RAB12: variants seen among roughly 807,000 people sequenced by gnomAD.
RAB12 encodes ras-related protein Rab-12.
Under a neutral mutation model 28.4 loss-of-function variants are expected in RAB12, and 11 were observed. The observed-to-expected ratio is 0.39, with a 90% CI of 0.24 to 0.64. The LOEUF is 0.64. Ranked by LOEUF, RAB12 falls within the 30% of genes least tolerant of loss-of-function variation. The pLI, the probability that RAB12 is intolerant of heterozygous loss-of-function variation, is 0.50. For missense variants in RAB12, 276 were observed against 351.1 expected (o/e 0.79, Z 1.71); for synonymous variants, 138 against 145.3 (o/e 0.95, Z 0.36).
intron 1 of RAB12, among the ~76,000 whole-genome samples, chr18:8,613,466 C>T (rs2096004972): frequency 6.6e-6 from 1 of 152,106 alleles, no homozygotes; most frequent in African/African-American, 2.4e-5. Context: ...CTGTAGAAAC[C>T]ATTTCTATCT....
At chr18:8,616,352 A>C (rs554145521) in intron 1 of RAB12, among the ~76,000 whole-genome samples, 1 of 150,958 alleles carries the variant, frequency 6.6e-6, no homozygotes, top group Non-Finnish European at 1.5e-5. Context: ...CAGACCAAAA[A>C]TTGTGCCCTT....
intron 4 of RAB12, 61 bp from the exon 5 acceptor site, chr18:8,636,192 A>G (rs2148712289): frequency 1.8e-6 from 2 of 1,097,656 alleles, no homozygotes; most frequent in Non-Finnish European, 2.8e-6. Flanking sequence ...CAGAGACCTC[A>G]TGCTCGCACG....
At chr18:8,622,620 A>G (rs954009153) in intron 1 of RAB12, among the ~76,000 whole-genome samples, 20 of 152,244 alleles carry the variant, frequency 1.3e-4, no homozygotes, top group African/African-American at 4.8e-4. Flanking sequence ...GGGCGAAATT[A>G]AAATTGCTAA....
chr18:8,636,076 G>T lies in RAB12; in HGVS notation c.805-177G>T, dbSNP rs140031825. On this transcript the variant is annotated intron_variant, in intron 4 of 5. Transcript: ENST00000649141. ...CAGGATTTTTATTGTCTTTTGTTTT[G>T]CTAGTTGCTTATAATGTAAGAATTT... 3.3e-4 allele frequency: 189 copies of T among 576,936 alleles called. 1 individual carries two copies. The highest frequency in any genetic ancestry group is 2.1e-3 in the African/African-American group (111 of 52,850). The allele number at this position is 576,936 out of a possible 1,614,324, so 35.7% of individuals were successfully genotyped here. A position where few individuals can be genotyped will look rare whatever the true frequency, so the allele number is the denominator to read the frequency against.
chr18:8,633,872 C>T (rs1254403683), intron 3 of RAB12, among the ~76,000 whole-genome samples: 4 of 152,050 alleles, frequency 2.6e-5, no homozygotes, highest in Admixed American at 2.6e-4. Context: ...TAATGTGAAC[C>T]GTGGGTTCTC....
Position 8,636,359 on chromosome 18 carries a change from T to A in RAB12, c.909+2T>A, listed in dbSNP as rs1567897951. 3.9e-6 allele frequency: 6 copies of A among 1,536,258 alleles called. No homozygotes were observed. The highest frequency in any genetic ancestry group is 3.6e-5 in the Admixed American group (2 of 55,784). ...CTTGTCGATGACATTCTGAAAAAGGTAAAAAAAAGAATCTACATTATAAAA... is the reference window on the plus strand; with the variant it reads ...CTTGTCGATGACATTCTGAAAAAGGAAAAAAAAAGAATCTACATTATAAAA... On this transcript the variant is annotated splice_donor_variant, in intron 5 of 5. Transcript: ENST00000649141. LOFTEE classifies it high-confidence loss of function.
intron 3 of RAB12, among the ~76,000 whole-genome samples, chr18:8,633,811 T>C (rs1362791479): frequency 6.6e-6 from 1 of 152,140 alleles, no homozygotes; most frequent in African/African-American, 2.4e-5. Flanking sequence ...GGAGCTCGAG[T>C]TCTCCTTTGG....
At chr18:8,620,957 A>G (rs557665875) in intron 1 of RAB12, among the ~76,000 whole-genome samples, 120 of 152,336 alleles carry the variant, frequency 7.9e-4, no homozygotes, top group African/African-American at 2.9e-3. Flanking sequence ...GCAAAGACAG[A>G]TGCTTTGCCA....
chr18:8,625,262 A>G (rs76181173), intron 2 of RAB12, among the ~76,000 whole-genome samples: 2,210 of 152,310 alleles, frequency 0.015, 53 homozygotes, highest in African/African-American at 0.051. Context: ...TTTTGCCTCT[A>G]TTTTCAAATT....
chr18:8,627,951 T>C (rs780906664), intron 2 of RAB12, among the ~76,000 whole-genome samples: 2 of 152,164 alleles, frequency 1.3e-5, no homozygotes, highest in Non-Finnish European at 2.9e-5. Flanking sequence ...GGCTTTGAAT[T>C]CTCCAAGCGT....
Position 8,624,974 on chromosome 18 carries a change from G to A in RAB12, c.551G>A (p.Gly184Glu). 2 of 1,604,934 alleles carry A rather than the reference G, an allele frequency of 1.2e-6. No individual in the cohort carries two copies. Among genetic ancestry groups the A allele is most frequent in the Non-Finnish European group, 1.7e-6 (2 of 1,172,106 alleles). The change falls in exon 2 of 6, where the codon GGA becomes GAA. Residue 184 changes from glycine to glutamate, a missense_variant. Gly to Glu is a moderately conservative substitution (Grantham distance 98, BLOSUM62 -2). Around this residue, in one of 4 missense-constraint regions of RAB12, gnomAD observed 76 missense variants for 117.9 expected, o/e 0.64. Transcript: ENST00000649141. ...AAAATCAAAACTGTAGAGCTAAGAG[G>A]AAAGAAAATTAGATTACAGATCTGG... The part of the protein sequence containing the change: ...DFKIKTVELR[G>E]KKIRLQIWDT...
chr18:8,610,200 C>T (rs2096002940), intron 1 of RAB12: 2 of 392,506 alleles, frequency 5.1e-6, no homozygotes, highest in African/African-American at 2.1e-5. Flanking sequence ...CTGGCAGCCC[C>T]CGGGGCCTGT....
At chr18:8,618,791 T>A (rs2096008149) in intron 1 of RAB12, among the ~76,000 whole-genome samples, 1 of 152,156 alleles carries the variant, frequency 6.6e-6, no homozygotes, top group Non-Finnish European at 1.5e-5. Flanking sequence ...GGATTACAGG[T>A]GTGAGCCACC....
intron 1 of RAB12, among the ~76,000 whole-genome samples, chr18:8,617,285 A>G (rs1016119802): frequency 6.6e-6 from 1 of 152,194 alleles, no homozygotes; most frequent in African/African-American, 2.4e-5. Context: ...TTAATGATAC[A>G]CACTGATATA....
chr18:8,614,401 C>T (rs1363100828), intron 1 of RAB12, among the ~76,000 whole-genome samples: 1 of 151,310 alleles, frequency 6.6e-6, no homozygotes, highest in Non-Finnish European at 1.5e-5. Flanking sequence ...CAAAGAAAGG[C>T]AATCTGGACC....
chr18:8,618,184 G>C (rs1374823381), intron 1 of RAB12, among the ~76,000 whole-genome samples: 2 of 152,102 alleles, frequency 1.3e-5, no homozygotes, highest in Non-Finnish European at 2.9e-5. Flanking sequence ...GTGCAAGGCT[G>C]TCTCCTTGTG....
At chr18:8,632,259 G>A (rs540696029) in intron 2 of RAB12, among the ~76,000 whole-genome samples, 161 of 148,964 alleles carry the variant, frequency 1.1e-3, no homozygotes, top group Non-Finnish European at 2.0e-3. Flanking sequence ...TCCAGCCTGG[G>A]TGACAGAGCT....
intron 2 of RAB12, among the ~76,000 whole-genome samples, chr18:8,627,760 T>C (rs1170914206): frequency 1.3e-5 from 2 of 152,230 alleles, no homozygotes. Flanking sequence ...GGCCCTTTGT[T>C]CTGCCTGTCG....
intron 1 of RAB12, among the ~76,000 whole-genome samples, chr18:8,621,311 C>G (rs947349477): frequency 6.6e-6 from 1 of 152,146 alleles, no homozygotes; most frequent in Non-Finnish European, 1.5e-5. Flanking sequence ...ATATTTTTGA[C>G]TTTTAATATA....
Sources: gnomAD v4.1 joint callset for allele counts (sites outside exome capture counted in the v4.1 genomes callset) on GRCh38, gnomAD v4.1.1 for gene constraint, gnomAD v4.1.1 regional missense constraint, MANE v1.5 for transcripts, NCBI Gene and HGNC (gene_info 2026-07-23, HGNC 2026-07-21) for gene names.